TMEM138: variants seen among roughly 807,000 people sequenced by gnomAD.
TMEM138 encodes the protein transmembrane protein 138.
TMEM138 carries 9 observed loss-of-function variants against 18.1 expected under a neutral mutation model. The ratio of observed to expected loss-of-function variants is 0.50; its 90% CI spans 0.30 to 0.87. The LOEUF is 0.87. Ranked by LOEUF, TMEM138 falls within the 40% of genes least tolerant of loss-of-function variation. TMEM138 has a pLI of 0.06. For synonymous variants in TMEM138, 79 were observed against 74.8 expected, an observed-to-expected ratio of 1.06 and a Z score of -0.29; for missense variants, 189 against 190.6, an observed-to-expected ratio of 0.99 and a Z score of 0.05.
Position 61,364,336 on chromosome 11 carries a change from G to T in TMEM138, c.-55G>T. ...CAGTGGTAGGGAGACAGCCAGGAGCGGTTTTCTGGGAACTGTGGGATGTGC... is the reference window on the plus strand; with the variant it reads ...CAGTGGTAGGGAGACAGCCAGGAGCTGTTTTCTGGGAACTGTGGGATGTGC... On this transcript the variant is annotated 5_prime_UTR_variant, in exon 2 of 5. Coordinates refer to ENST00000278826, the MANE Select transcript of TMEM138 (RefSeq NM_016464.5). 1.3e-6 allele frequency: 2 copies of T among 1,599,380 alleles called. No homozygotes were observed. Among genetic ancestry groups the T allele is most frequent in the Non-Finnish European group, 1.7e-6 (2 of 1,171,044 alleles).
rs1349854928 is a variant in TMEM138, at chr11:61,368,599, G to A, written c.379G>A (p.Ala127Thr). The A allele has an allele frequency of 6.2e-7, 1 of 1,610,042 alleles. No homozygotes were observed. Among genetic ancestry groups the A allele is most frequent in the Non-Finnish European group, 8.5e-7 (1 of 1,176,794 alleles). Residue 127 changes from alanine to threonine, a missense_variant and splice_region_variant, in exon 5 of 5, where the codon GCA (alanine) becomes ACA (threonine). By Grantham distance (58) the Ala-to-Thr change is moderately conservative. Coordinates refer to ENST00000278826, the MANE Select transcript of TMEM138 (RefSeq NM_016464.5). Reference sequence around the variant, plus strand: ...TCTCTTCTGCTTCCTCCCCACAGCAGCAGTGTTGTACTGCTACTTCTATAA... The same window carrying A: ...TCTCTTCTGCTTCCTCCCCACAGCAACAGTGTTGTACTGCTACTTCTATAA... Reference protein sequence around the residue: ...QMLFVFQRLAAVLYCYFYKRT... With the variant: ...QMLFVFQRLATVLYCYFYKRT...
In TMEM138 at chr11:61,366,106, T is replaced by G; in HGVS notation, c.190T>G (p.Phe64Val). 1 of 1,614,238 alleles carries G rather than the reference T, an allele frequency of 6.2e-7. No homozygotes were observed. The highest frequency in any genetic ancestry group is 1.7e-5 in the Admixed American group (1 of 60,030). ...IIIFLMFFNT[F>V]VFQAGLVNLL... is the part of the protein sequence containing the mutation. ...CATTTTCCTCATGTTCTTCAACACC[T>G]TCGTCTTCCAGGCTGGCCTGGTCAA... is the stretch of plus-strand genomic sequence containing the variant. The change falls in exon 3 of 5, where the codon TTC becomes GTC. Residue 64 changes from phenylalanine to valine, a missense_variant. By Grantham distance (50) the Phe-to-Val change is conservative. Coordinates refer to ENST00000278826, the MANE Select transcript of TMEM138 (RefSeq NM_016464.5).
chr11:61,376,387 G>A (rs750281556), downstream of TMEM138, among the ~76,000 whole-genome samples: 7 of 151,970 alleles, frequency 4.6e-5, no homozygotes, highest in Non-Finnish European at 7.4e-5. Context: ...GAGAAAAATT[G>A]TTTCAAAAAC....
chr11:61,371,081 C>CTGGT (rs925663746), downstream of TMEM138, among the ~76,000 whole-genome samples: 7 of 152,206 alleles, frequency 4.6e-5, no homozygotes, highest in Non-Finnish European at 1.0e-4. Flanking sequence ...TGTCACCAGG[C>CTGGT]TGGTGTGCAG....
chr11:61,373,217 T>C (rs1454625511), downstream of TMEM138, among the ~76,000 whole-genome samples: 1 of 152,154 alleles, frequency 6.6e-6, no homozygotes, highest in Non-Finnish European at 1.5e-5. Context: ...CCAGGGACTA[T>C]CAAGAAAGAG....
At chr11:61,362,822 C>G (rs1197326099) in intron 1 of TMEM138, 1 of 152,270 alleles carries the variant, frequency 6.6e-6, no homozygotes, top group African/African-American at 2.4e-5. Context: ...GCTCTGACTT[C>G]TGTGTCCTTT....
Position 61,366,035 on chromosome 11 carries a change from A to G in TMEM138, c.129-10A>G, listed in dbSNP as rs767269480. ...GCCTTCATTGGTTGTACTTTTTTTT[A>G]TGTCTACAGCATCCAGGATATTGCA... On this transcript the variant is annotated splice_polypyrimidine_tract_variant and intron_variant, in intron 2 of 4. Coordinates refer to ENST00000278826, the MANE Select transcript of TMEM138 (RefSeq NM_016464.5). The G allele has an allele frequency of 6.2e-6, 10 of 1,604,334 alleles. No individual in the cohort carries two copies. In the Admixed American group the frequency reaches 8.6e-5, roughly 14 times the overall value.
chr11:61,375,447 C>G (rs1002363527), downstream of TMEM138, among the ~76,000 whole-genome samples: 26 of 151,204 alleles, frequency 1.7e-4, 1 homozygote, highest in African/African-American at 6.3e-4. Context: ...CTCAGCCTCC[C>G]AAGTAGCTGG....
In TMEM138 at chr11:61,364,352, T is replaced by G. The variant is rs376595480; in HGVS notation, c.-39T>G. On this transcript the variant is annotated 5_prime_UTR_variant, in exon 2 of 5. Transcript: ENST00000278826. ...GCCAGGAGCGGTTTTCTGGGAACTG[T>G]GGGATGTGCCCTTGGGGGCCCGAGA... The G allele has an allele frequency of 6.2e-7, 1 of 1,609,648 alleles. No homozygotes were observed. Among genetic ancestry groups the G allele is most frequent in the African/African-American group, 1.3e-5 (1 of 74,826 alleles).
intron 1 of TMEM138, chr11:61,362,724 G>T (rs1330551020): frequency 1.3e-5 from 2 of 152,214 alleles, no homozygotes; most frequent in Non-Finnish European, 2.9e-5. Context: ...CTGGATGGTG[G>T]CCTATGAGTA....
chr11:61,363,479 A>G (rs1186290909), intron 1 of TMEM138: 1 of 152,224 alleles, frequency 6.6e-6, no homozygotes, highest in Non-Finnish European at 1.5e-5. Flanking sequence ...ACTCCAGAGC[A>G]TTTTGAAATT....
downstream of TMEM138, among the ~76,000 whole-genome samples, chr11:61,370,829 G>A (rs1858323498): frequency 6.6e-6 from 1 of 152,148 alleles, no homozygotes; most frequent in Admixed American, 6.6e-5. Context: ...AGTGTGGGTG[G>A]TTTCAGCTGG....
intron 4 of TMEM138, 163 bp from the exon 5 acceptor site, chr11:61,368,434 A>G: frequency 1.7e-6 from 1 of 575,880 alleles, no homozygotes; most frequent in East Asian, 3.0e-5. Flanking sequence ...TCACCGTGTT[A>G]GCCAGGATGG....
chr11:61,371,874 T>C (rs1858352221), downstream of TMEM138, among the ~76,000 whole-genome samples: 2 of 152,196 alleles, frequency 1.3e-5, no homozygotes, highest in South Asian at 4.1e-4. Flanking sequence ...GATTGGCAAC[T>C]GGTTGAAAGG....
At chr11:61,362,464 G>C (rs1262069824) in intron 1 of TMEM138, 44 bp downstream of exon 1, 1 of 152,314 alleles carries the variant, frequency 6.6e-6, no homozygotes, top group Non-Finnish European at 1.5e-5. Flanking sequence ...CCAGAAGTCA[G>C]AATTTTTGGT....
At position 61,368,623 on chromosome 11, in the gene TMEM138, A is replaced by G. The variant is rs765671514; in HGVS notation, c.403A>G (p.Lys135Glu). ...LAAVLYCYFY[K>E]RTAVRLGDPH... Reference sequence around the variant, plus strand: ...AGCAGTGTTGTACTGCTACTTCTATAAACGGACAGCCGTAAGACTAGGCGA... The same window carrying G: ...AGCAGTGTTGTACTGCTACTTCTATGAACGGACAGCCGTAAGACTAGGCGA... The change falls in exon 5 of 5, where the codon AAA (lysine) becomes GAA (glutamate). Residue 135 changes from lysine to glutamate, a missense_variant. By Grantham distance (56) the Lys-to-Glu change is moderately conservative. Coordinates refer to ENST00000278826, the MANE Select transcript of TMEM138 (RefSeq NM_016464.5). 1.9e-6 allele frequency: 3 copies of G among 1,613,912 alleles called. No individual in the cohort carries two copies. Among genetic ancestry groups the G allele is most frequent in the Non-Finnish European group, 8.5e-7 (1 of 1,179,918 alleles).
chr11:61,368,640 A>T lies in TMEM138; in HGVS notation c.420A>T (p.Arg140Ser). The change falls in exon 5 of 5, where the codon AGA (arginine) becomes AGT (serine). Residue 140 changes from arginine (R) to serine (S), a missense_variant. Physicochemically the swap from Arg to Ser is moderately radical, Grantham distance 110 (BLOSUM62 -1). Transcript: ENST00000278826. Reference sequence around the variant, plus strand: ...ACTTCTATAAACGGACAGCCGTAAGACTAGGCGATCCTCACTTCTACCAGG... The same window carrying T: ...ACTTCTATAAACGGACAGCCGTAAGTCTAGGCGATCCTCACTTCTACCAGG... ...YCYFYKRTAV[R>S]LGDPHFYQDS... 1 of 1,614,132 alleles carries T rather than the reference A, an allele frequency of 6.2e-7. No individual in the cohort carries two copies. The highest frequency in any genetic ancestry group is 1.1e-5 in the South Asian group (1 of 91,086).
rs190793621 is a variant in TMEM138 at position 61,365,301 on chromosome 11, G to A, written c.129-744G>A. 4.8e-4 allele frequency among the ~76,000 whole-genome samples: 72 copies of A among 151,152 alleles called. 1 individual carries two copies. The highest frequency in any genetic ancestry group is 1.3e-3 in the African/African-American group (55 of 40,932). On this transcript the variant is annotated intron_variant, in intron 2 of 4. Transcript: ENST00000278826. ...TTTTGAGATGGAGTCTAGCTGTGTCGCCAGGCTGGAGTACAGTGGCACAAT... is the reference window on the plus strand; with the variant it reads ...TTTTGAGATGGAGTCTAGCTGTGTCACCAGGCTGGAGTACAGTGGCACAAT...
chr11:61,367,878 G>A, intron 3 of TMEM138, 45 bp from the exon 4 acceptor site: 1 of 1,273,962 alleles, frequency 7.8e-7, no homozygotes, highest in Non-Finnish European at 1.1e-6. Context: ...AGACATTAGG[G>A]CTTCTTGTGG....
Sources: allele counts gnomAD v4.1 joint callset (sites outside exome capture counted in the v4.1 genomes callset), GRCh38; gene constraint gnomAD v4.1.1; transcripts MANE v1.5; gene names NCBI Gene and HGNC (gene_info 2026-07-23, HGNC 2026-07-21).